CGNL1: variants seen among roughly 807,000 people sequenced by gnomAD.
The protein encoded by CGNL1 is cingulin-like protein 1.
In CGNL1, 132 loss-of-function variants were observed where a neutral mutation model predicts 141.2. The observed-to-expected ratio is 0.93, with a 90% CI of 0.81 to 1.08. The LOEUF is 1.08. Among genes scored for constraint, CGNL1 ranks in the 50% least tolerant of loss-of-function variants. The pLI is 0.00. For synonymous variants in CGNL1, 690 were observed against 622.1 expected, an observed-to-expected ratio of 1.11 and a Z score of -1.63; for missense variants, 1,870 against 1,588.6, an observed-to-expected ratio of 1.18 and a Z score of -3.01.
intron 1 of CGNL1, among the ~76,000 whole-genome samples, chr15:57,425,519 G>A (rs1323577876): frequency 6.6e-6 from 1 of 152,214 alleles, no homozygotes; most frequent in Non-Finnish European, 1.5e-5. Context: ...AAGGTGGGCG[G>A]ATCACTTGAG....
intron 8 of CGNL1, among the ~76,000 whole-genome samples, chr15:57,515,864 A>G (rs1034788244): frequency 1.3e-5 from 2 of 152,144 alleles, no homozygotes; most frequent in East Asian, 1.9e-4. Context: ...AAGAGCTTCT[A>G]TTAAAGACCC....
At chr15:57,523,403 T>G in intron 10 of CGNL1, 86 bp from the exon 11 acceptor site, 1 of 1,174,366 alleles carries the variant, frequency 8.5e-7, no homozygotes, top group Non-Finnish European at 1.2e-6. Context: ...TGCTTTGCAG[T>G]GTGACTATGA....
intron 10 of CGNL1, among the ~76,000 whole-genome samples, chr15:57,522,591 G>C (rs2031337638): frequency 6.6e-6 from 1 of 152,164 alleles, no homozygotes; most frequent in Non-Finnish European, 1.5e-5. Flanking sequence ...GTTCCGAGTT[G>C]TGCGTCTTCT....
chr15:57,380,119 G>A (rs767361123), intron 1 of CGNL1, among the ~76,000 whole-genome samples: 2 of 152,154 alleles, frequency 1.3e-5, no homozygotes, highest in African/African-American at 4.8e-5. Context: ...TGCAACCTCC[G>A]CCTCCCGGGT....
chr15:57,470,256 C>CTCTCTTT (rs758575367), intron 8 of CGNL1, among the ~76,000 whole-genome samples: 1 of 113,996 alleles, frequency 8.8e-6, no homozygotes, highest in African/African-American at 3.5e-5. Context: ...TTTTGTCTCT[C>CTCTCTTT]TTTTTTTTTT....
chr15:57,468,816 TC>T (rs773618897), intron 8 of CGNL1, among the ~76,000 whole-genome samples: 2 of 152,122 alleles, frequency 1.3e-5, no homozygotes, highest in Non-Finnish European at 2.9e-5. Flanking sequence ...GGGGGTGGTT[TC>T]CCCCATACTG....
chr15:57,512,410 A>G (rs939328089), intron 8 of CGNL1, among the ~76,000 whole-genome samples: 1 of 152,162 alleles, frequency 6.6e-6, no homozygotes, highest in Admixed American at 6.5e-5. Flanking sequence ...TGAAAATGGG[A>G]GAGGACTTTT....
intron 1 of CGNL1, among the ~76,000 whole-genome samples, chr15:57,379,616 T>C (rs2062403893): frequency 6.6e-6 from 1 of 152,200 alleles, no homozygotes; most frequent in Non-Finnish European, 1.5e-5. Flanking sequence ...TTTATGCTTT[T>C]CCTTTCTTTT....
chr15:57,474,402 G>A (rs545132615), intron 8 of CGNL1, among the ~76,000 whole-genome samples: 5 of 152,304 alleles, frequency 3.3e-5, no homozygotes, highest in Middle Eastern at 3.4e-3. Flanking sequence ...ATCCTGCCAT[G>A]CCCTTGGTTT....
chr15:57,400,466 G>A (rs2062647567), intron 1 of CGNL1, among the ~76,000 whole-genome samples: 1 of 152,138 alleles, frequency 6.6e-6, no homozygotes, highest in Admixed American at 6.6e-5. Flanking sequence ...TTTATGCTGG[G>A]TGCTGTGCTT....
At chr15:57,441,368 TA>T (rs149034254) in intron 3 of CGNL1, among the ~76,000 whole-genome samples, 21 of 151,868 alleles carry the variant, frequency 1.4e-4, no homozygotes, top group African/African-American at 1.5e-4. Flanking sequence ...TAAAATTCAT[TA>T]TTTTTTTTTT....
chr15:57,529,279 A>G (rs1221745617), intron 13 of CGNL1, among the ~76,000 whole-genome samples: 3 of 152,112 alleles, frequency 2.0e-5, no homozygotes, highest in Admixed American at 2.0e-4. Context: ...CTTAGAGGTT[A>G]TTGGGCTTTG....
intron 1 of CGNL1, among the ~76,000 whole-genome samples, chr15:57,424,925 A>T (rs1445812820): frequency 6.6e-6 from 1 of 152,206 alleles, no homozygotes; most frequent in Non-Finnish European, 1.5e-5. Context: ...AATTGGAATT[A>T]TATTGGCTTT....
intron 8 of CGNL1, among the ~76,000 whole-genome samples, chr15:57,495,059 T>C (rs2063918324): frequency 6.6e-6 from 1 of 152,200 alleles, no homozygotes; most frequent in African/African-American, 2.4e-5. Context: ...AATCTTTCTT[T>C]ACATCCTTCT....
chr15:57,414,167 T>C lies in CGNL1; in HGVS notation c.-15-23818T>C, dbSNP rs539432417. ...CTACATCAGCTGGGCATGGAGCTGA[T>C]AGCAGCATCAGCAGGTTCCCTTTGC... On this transcript the variant is annotated intron_variant, in intron 1 of 18. Coordinates refer to ENST00000281282, the MANE Select transcript of CGNL1 (RefSeq NM_032866.5). Among the ~76,000 whole-genome samples, 3 of 152,294 alleles carry C rather than the reference T, an allele frequency of 2.0e-5. No individual in the cohort carries two copies. The East Asian group carries it at 5.8e-4, about 29-fold the overall frequency.
intron 17 of CGNL1, 30 bp from the exon 18 acceptor site, chr15:57,546,046 G>T: frequency 6.3e-7 from 1 of 1,597,328 alleles, no homozygotes; most frequent in Non-Finnish European, 8.5e-7. Flanking sequence ...CCATCAGCCG[G>T]CACTCAGCCC....
chr15:57,440,999 CTG>C (rs1567119886), intron 3 of CGNL1, among the ~76,000 whole-genome samples: 1 of 150,404 alleles, frequency 6.6e-6, no homozygotes, highest in African/African-American at 2.5e-5. Flanking sequence ...TAGATACTAA[CTG>C]TGCTGGAACT....
rs1292323751 is a variant in CGNL1, at chr15:57,439,614, C to G, written c.1602+13C>G. On this transcript the variant is annotated intron_variant, in intron 2 of 18. Coordinates refer to ENST00000281282, the MANE Select transcript of CGNL1 (RefSeq NM_032866.5). ...CTCAAATACTCAGGTAACACTAGTGCGATTCCTGTTTGGTTTTTTTTCTCT... is the reference window on the plus strand; with the variant it reads ...CTCAAATACTCAGGTAACACTAGTGGGATTCCTGTTTGGTTTTTTTTCTCT... 4 of 1,604,034 alleles carry G rather than the reference C, an allele frequency of 2.5e-6. No homozygotes were observed. Among genetic ancestry groups the G allele is most frequent in the African/African-American group, 2.7e-5 (2 of 74,672 alleles).
intron 8 of CGNL1, among the ~76,000 whole-genome samples, chr15:57,475,619 CT>C (rs2063645432): frequency 6.6e-6 from 1 of 151,622 alleles, no homozygotes; most frequent in South Asian, 2.1e-4. Flanking sequence ...TGACTGAATA[CT>C]TTTGACACAC....
Sources: gnomAD v4.1 joint callset for allele counts (sites outside exome capture counted in the v4.1 genomes callset) on GRCh38, gnomAD v4.1.1 for gene constraint, MANE v1.5 for transcripts, NCBI Gene and HGNC (gene_info 2026-07-23, HGNC 2026-07-21) for gene names.